The following SYN3 variants were observed in gnomAD, a reference collection of about 807,000 sequenced individuals.
The protein encoded by SYN3 is synapsin-3.
SYN3 carries 35 observed loss-of-function variants against 65.8 expected under a neutral mutation model. The ratio of observed to expected loss-of-function variants is 0.53; its 90% CI spans 0.41 to 0.70. SYN3 has a LOEUF of 0.70. Among genes scored for constraint, SYN3 ranks in the 30% least tolerant of loss-of-function variants. The pLI is 0.00. For synonymous variants in SYN3, 270 were observed against 292.9 expected (o/e 0.92, Z 0.80); for missense variants, 680 against 749.0 (o/e 0.91, Z 1.08).
chr22:32,564,637 C>T (rs1441333564), intron 7 of SYN3, among the ~76,000 whole-genome samples: 2 of 151,310 alleles, frequency 1.3e-5, no homozygotes, highest in South Asian at 2.1e-4. Flanking sequence ...TGCACCCAAA[C>T]GGTGCTCCCG....
intron 1 of SYN3, among the ~76,000 whole-genome samples, chr22:33,010,232 C>CA (rs34426068): frequency 0.25 from 33,865 of 137,564 alleles, 4,019 homozygotes; most frequent in African/African-American, 0.32. Flanking sequence ...AACTCTGTCC[C>CA]AAAAAAAAAA....
intron 4 of SYN3, among the ~76,000 whole-genome samples, chr22:32,885,762 T>A (rs558508285): frequency 6.6e-6 from 1 of 152,146 alleles, no homozygotes; most frequent in Admixed American, 6.5e-5. Context: ...GGTTTCACCA[T>A]GTTGGCTGGG....
At chr22:32,947,346 T>G (rs1200460316) in intron 3 of SYN3, 1 of 152,230 alleles carries the variant, frequency 6.6e-6, no homozygotes, top group South Asian at 2.1e-4. Context: ...GAATATTTTT[T>G]ATAAGAAAGC....
chr22:32,811,093 C>T (rs774602944), intron 6 of SYN3, among the ~76,000 whole-genome samples: 3 of 152,076 alleles, frequency 2.0e-5, no homozygotes, highest in African/African-American at 4.8e-5. Flanking sequence ...ACCACTGAGA[C>T]AGTTGAAAGG....
At chr22:32,936,382 C>A (rs2050776088) in intron 3 of SYN3, among the ~76,000 whole-genome samples, 1 of 152,158 alleles carries the variant, frequency 6.6e-6, no homozygotes, top group Non-Finnish European at 1.5e-5. Flanking sequence ...AGGCAGAGTT[C>A]ATCAGTTTCA....
At chr22:32,883,844 T>C (rs1301806178) in intron 4 of SYN3, among the ~76,000 whole-genome samples, 1 of 152,238 alleles carries the variant, frequency 6.6e-6, no homozygotes, top group Non-Finnish European at 1.5e-5. Flanking sequence ...TGGCAAGTTT[T>C]GGTGTGTACA....
chr22:32,554,479 C>G (rs2058462604), intron 7 of SYN3, among the ~76,000 whole-genome samples: 1 of 152,132 alleles, frequency 6.6e-6, no homozygotes, highest in South Asian at 2.1e-4. Flanking sequence ...AGACTAGGAA[C>G]CTTCAGTGTC....
chr22:32,675,329 G>C (rs1054638647), intron 6 of SYN3, among the ~76,000 whole-genome samples: 1 of 152,140 alleles, frequency 6.6e-6, no homozygotes, highest in Middle Eastern at 3.2e-3. Flanking sequence ...CCCTGTCCCT[G>C]CTTAGTGTCT....
At chr22:32,743,418 C>G (rs1371471533) in intron 6 of SYN3, among the ~76,000 whole-genome samples, 1 of 152,108 alleles carries the variant, frequency 6.6e-6, no homozygotes, top group South Asian at 2.1e-4. Context: ...TCCCTTCTAA[C>G]CAGGGGCAGT....
At chr22:32,786,683 C>G (rs921688316) in intron 6 of SYN3, among the ~76,000 whole-genome samples, 23 of 152,138 alleles carry the variant, frequency 1.5e-4, no homozygotes, top group Admixed American at 1.0e-3. Flanking sequence ...TCTTAAACAA[C>G]CTAAAGGAGG....
chr22:32,921,330 A>T (rs2050329312), intron 4 of SYN3, among the ~76,000 whole-genome samples: 1 of 152,218 alleles, frequency 6.6e-6, no homozygotes, highest in Non-Finnish European at 1.5e-5. Context: ...AGATTAAAAA[A>T]CACTGAAGCT....
intron 6 of SYN3, among the ~76,000 whole-genome samples, chr22:32,648,260 G>C (rs1409943731): frequency 6.6e-6 from 1 of 152,146 alleles, no homozygotes; most frequent in African/African-American, 2.4e-5. Context: ...TGGAGAGCTT[G>C]GAGCCCATAG....
intron 6 of SYN3, among the ~76,000 whole-genome samples, chr22:32,820,726 C>T (rs926335667): frequency 3.9e-5 from 6 of 152,096 alleles, no homozygotes; most frequent in African/African-American, 1.4e-4. Flanking sequence ...AGGTTTGGGG[C>T]TTGGGATATG....
chr22:32,879,487 T>C (rs2049069133), intron 4 of SYN3, among the ~76,000 whole-genome samples: 2 of 152,174 alleles, frequency 1.3e-5, no homozygotes, highest in African/African-American at 4.8e-5. Context: ...TTCTGGTTTG[T>C]AGATGGCACA....
intron 6 of SYN3, among the ~76,000 whole-genome samples, chr22:32,802,731 C>T (rs1355540946): frequency 6.6e-6 from 1 of 152,150 alleles, no homozygotes; most frequent in East Asian, 1.9e-4. Context: ...GTGGCATTGA[C>T]CCACGCCCTG....
chr22:32,758,696 A>ATATATATATATATATATATG (rs1218461080), intron 6 of SYN3, among the ~76,000 whole-genome samples: 2 of 111,890 alleles, frequency 1.8e-5, no homozygotes, highest in Non-Finnish European at 1.9e-5. Context: ...ATATATATAT[A>ATATATATATATATATATATG]TATATGTCTT....
intron 6 of SYN3, among the ~76,000 whole-genome samples, chr22:32,810,675 C>T (rs552316589): frequency 5.3e-5 from 8 of 152,296 alleles, no homozygotes; most frequent in African/African-American, 1.9e-4. Context: ...CGCCTGGCTG[C>T]CTGCAGAGAA....
chr22:32,811,428 C>T (rs1261740681), intron 6 of SYN3, among the ~76,000 whole-genome samples: 2 of 152,108 alleles, frequency 1.3e-5, no homozygotes, highest in Non-Finnish European at 2.9e-5. Context: ...ACTTCACTTT[C>T]GGTGAGGAAA....
intron 6 of SYN3, among the ~76,000 whole-genome samples, chr22:32,739,893 A>C (rs1275745968): frequency 6.6e-6 from 1 of 152,262 alleles, no homozygotes; most frequent in Non-Finnish European, 1.5e-5. Flanking sequence ...CGTCAAGCCC[A>C]GAACAAGTGA....
Sources: gnomAD v4.1 joint callset for allele counts (sites outside exome capture counted in the v4.1 genomes callset) on GRCh38, gnomAD v4.1.1 for gene constraint, MANE v1.5 for transcripts, NCBI Gene and HGNC (gene_info 2026-07-23, HGNC 2026-07-21) for gene names.